The following IQSEC2 variants were observed in gnomAD, a reference collection of about 807,000 sequenced individuals.
IQSEC2 encodes IQ motif and SEC7 domain-containing protein 2.
In IQSEC2, 6 loss-of-function variants were observed where a neutral mutation model predicts 74.6. The ratio of observed to expected loss-of-function variants is 0.08; its 90% CI spans 0.04 to 0.16. The LOEUF (loss-of-function observed/expected upper bound fraction) is 0.16, where lower values mean the gene tolerates loss of function less well. IQSEC2 is among the 10% of genes least tolerant of loss of function. The pLI, the probability that IQSEC2 is intolerant of heterozygous loss-of-function variation, is 1.00. For missense variants in IQSEC2, 734 were observed against 1,306.2 expected, an observed-to-expected ratio of 0.56 and a Z score of 6.75; for synonymous variants, 494 against 544.5, an observed-to-expected ratio of 0.91 and a Z score of 1.29.
chrX:53,246,699 C>T (rs1556862127), intron 8 of IQSEC2, among the ~76,000 whole-genome samples: 1 of 112,108 alleles, frequency 8.9e-6, no homozygotes, highest in Non-Finnish European at 1.9e-5. Context: ...CAGAGTAAAG[C>T]CTTGTAAGAG....
intron 1 of IQSEC2, among the ~76,000 whole-genome samples, chrX:53,306,553 G>T (rs1229817990): frequency 9.0e-6 from 1 of 111,411 alleles, no homozygotes; most frequent in Non-Finnish European, 1.9e-5. Flanking sequence ...GCTATGTGGG[G>T]GGCCTACTAA....
intron 1 of IQSEC2, among the ~76,000 whole-genome samples, chrX:53,319,065 C>A (rs2075404337): frequency 8.9e-6 from 1 of 112,904 alleles, no homozygotes; most frequent in Non-Finnish European, 1.9e-5. Flanking sequence ...CAAGCTACAG[C>A]TGCTGCTCCT....
chrX:53,262,482 G>A (rs1014556181), intron 2 of IQSEC2, among the ~76,000 whole-genome samples: 5 of 112,072 alleles, frequency 4.5e-5, no homozygotes, highest in African/African-American at 1.3e-4. Flanking sequence ...TGGGGGGAAC[G>A]GGACGGACTG....
rs2074096260 is a variant in IQSEC2, at chrX:53,234,566, C to T, written c.4120G>A (p.Ala1374Thr). 1 of 1,107,549 alleles carries T rather than the reference C, an allele frequency of 9.0e-7. No homozygotes were observed. The highest frequency in any genetic ancestry group is 3.2e-5 in the Admixed American group (1 of 31,356). The allele number at this position is 1,107,549 out of a possible 1,213,427, so 91.3% of individuals were successfully genotyped here. Residue 1374 changes from alanine (A) to threonine (T), a missense_variant, in exon 15 of 15, where the codon GCC (alanine) becomes ACC (threonine). This residue lies in a region of IQSEC2 where 249 missense variants were observed against 467.9 expected (regional missense o/e 0.53). Transcript: ENST00000642864. ...TTGTGGGCTGGAGGGTGCTGGGGGGCAGGACTGTACAGGGGCAGTGGGGAT... is the reference window on the plus strand; with the variant it reads ...TTGTGGGCTGGAGGGTGCTGGGGGGTAGGACTGTACAGGGGCAGTGGGGAT... ...PTSPLPLYSPAPQHPPAHKQG... is the reference protein window; with the variant it reads ...PTSPLPLYSPTPQHPPAHKQG...
chrX:53,263,676 A>G (rs2074605777), intron 2 of IQSEC2, among the ~76,000 whole-genome samples: 1 of 111,580 alleles, frequency 9.0e-6, no homozygotes, highest in Admixed American at 9.5e-5. Context: ...TTCATCTTGC[A>G]GTACCCTGGG....
chrX:53,274,662 C>G (rs1273730790), intron 2 of IQSEC2, among the ~76,000 whole-genome samples: 1 of 108,796 alleles, frequency 9.2e-6, no homozygotes, highest in Non-Finnish European at 1.9e-5. Context: ...GGAGTTTCAC[C>G]ATGTTAGCCA....
chrX:53,297,602 C>G (rs1460270952), intron 1 of IQSEC2, among the ~76,000 whole-genome samples: 4 of 111,447 alleles, frequency 3.6e-5, no homozygotes, highest in Non-Finnish European at 7.5e-5. Context: ...GCTGGGATTA[C>G]AGGCATGAGC....
Position 53,255,189 on chromosome X carries a change from CA to C in IQSEC2, c.1000-259del, listed in dbSNP as rs61173462. 0.094 allele frequency among the ~76,000 whole-genome samples: 9,447 copies of C among 100,173 alleles called. 420 individuals are homozygous for C. The highest frequency in any genetic ancestry group is 0.18 in the African/African-American group (4,836 of 27,432). 87.0% of individuals were successfully genotyped at this position (100,173 alleles called of 115,157 possible). A position where few individuals can be genotyped will look rare whatever the true frequency, so the allele number is the denominator to read the frequency against. The stretch of plus-strand genomic sequence containing the variant: ...GAAAACAGGAAACAAACAGAGAAGC[CA>C]AAAAAAAAGAAAGCAAGGTAGAAAT... On this transcript the variant is annotated intron_variant, in intron 3 of 14. Coordinates refer to ENST00000642864, the MANE Select transcript of IQSEC2 (RefSeq NM_001111125.3).
chrX:53,270,440 T>C (rs2074724958), intron 2 of IQSEC2, among the ~76,000 whole-genome samples: 1 of 110,626 alleles, frequency 9.0e-6, no homozygotes, highest in South Asian at 3.9e-4. Context: ...TGCGGTTCCT[T>C]CTATCTGGAA....
chrX:53,301,115 C>T (rs782776346), intron 1 of IQSEC2, among the ~76,000 whole-genome samples: 6 of 112,085 alleles, frequency 5.4e-5, no homozygotes, highest in Admixed American at 9.5e-5. Flanking sequence ...ATTTTTTAAA[C>T]GCTACTAAGA....
chrX:53,253,055 T>G (rs1333739742), intron 4 of IQSEC2, among the ~76,000 whole-genome samples: 6 of 112,164 alleles, frequency 5.3e-5, no homozygotes, highest in Admixed American at 9.5e-5. Flanking sequence ...CCTTCAATAC[T>G]CCTGTCCTTC....
At chrX:53,312,714 A>G (rs782565397) in intron 1 of IQSEC2, among the ~76,000 whole-genome samples, 1 of 112,698 alleles carries the variant, frequency 8.9e-6, no homozygotes, top group Non-Finnish European at 1.9e-5. Context: ...TATCAGATAT[A>G]CAGTTGTGAG....
rs2074443904 is a variant in IQSEC2, at chrX:53,254,895, G to A, written c.1036C>T (p.Leu346=). Residue 346 remains leucine (L), a synonymous_variant, in exon 4 of 15, where the codon CTG becomes TTG. Transcript: ENST00000642864. ...MLERKYGGSF[L]SRRAARTIQT... ...ATGGTCCTGGCAGCCCTGCGGCTCA[G>A]GAAGGAGCCCCCATACTTCCTCTCC... The A allele has an allele frequency of 7.4e-6, 9 of 1,208,066 alleles. No individual in the cohort carries two copies. Among genetic ancestry groups the A allele is most frequent in the Non-Finnish European group, 7.8e-6 (7 of 894,477 alleles).
At position 53,280,884 on chromosome X, in the gene IQSEC2, C is replaced by A. The variant is rs782485372; in HGVS notation, c.737+11011G>T. ...CCCTTCCAGGTCAGCCAGCCCCTGTCCCCCACAAGCCCACAGAGGCAGACT... is the reference window on the plus strand; with the variant it reads ...CCCTTCCAGGTCAGCCAGCCCCTGTACCCCACAAGCCCACAGAGGCAGACT... On this transcript the variant is annotated intron_variant, in intron 2 of 14. Coordinates refer to ENST00000642864, the MANE Select transcript of IQSEC2 (RefSeq NM_001111125.3). Among the ~76,000 whole-genome samples, 9 of 112,084 alleles carry A rather than the reference C, an allele frequency of 8.0e-5. No individual in the cohort carries two copies. The East Asian group carries it at 2.0e-3, about 25-fold the overall frequency.
rs782420335 is a variant in IQSEC2, at chrX:53,250,951, C to A, written c.1625G>T (p.Arg542Leu). The A allele has an allele frequency of 1.2e-5, 15 of 1,209,788 alleles. No individual in the cohort carries two copies. The South Asian group carries it at 1.8e-4, about 14-fold the overall frequency. The change falls in exon 5 of 15, where the codon CGG (arginine) becomes CTG (leucine). Residue 542 changes from arginine (R) to leucine (L), a missense_variant. Physicochemically the swap from Arg to Leu is moderately radical, Grantham distance 102 (BLOSUM62 -2). Around this residue, in one of 12 missense-constraint regions of IQSEC2, gnomAD observed 204 missense variants for 305.4 expected, o/e 0.67. Transcript: ENST00000642864. ...LPSTEPPPQG[R>L]PEFWAPAPLP... is the part of the protein sequence containing the mutation. ...AGGGGCTGGCGCCCAGAACTCGGGCCGGCCCTGGGGTGGGGGTTCTGTGCT... is the reference window on the plus strand; with the variant it reads ...AGGGGCTGGCGCCCAGAACTCGGGCAGGCCCTGGGGTGGGGGTTCTGTGCT...
At chrX:53,267,167 C>T (rs2074673806) in intron 2 of IQSEC2, 8 of 1,053,173 alleles carry the variant, frequency 7.6e-6, no homozygotes, top group South Asian at 5.2e-5. Flanking sequence ...GGGCCAGGAC[C>T]GGAACCAGAA....
intron 2 of IQSEC2, among the ~76,000 whole-genome samples, chrX:53,259,181 C>T (rs1347295104): frequency 5.3e-5 from 3 of 56,304 alleles, no homozygotes; most frequent in Non-Finnish European, 9.2e-5. Flanking sequence ...TAGAGTGAGA[C>T]TGTCTCCAAA....
chrX:53,245,184 T>C (rs2074284030), intron 8 of IQSEC2, among the ~76,000 whole-genome samples: 1 of 110,669 alleles, frequency 9.0e-6, no homozygotes, highest in South Asian at 3.8e-4. Flanking sequence ...CTCACACCTG[T>C]AATCCCAGCA....
chrX:53,317,245 G>A (rs1343824903), intron 1 of IQSEC2, among the ~76,000 whole-genome samples: 1 of 111,742 alleles, frequency 8.9e-6, no homozygotes, highest in Non-Finnish European at 1.9e-5. Context: ...AAACCTTCGC[G>A]TACAGAGGAC....
Sources: allele counts gnomAD v4.1 joint callset (sites outside exome capture counted in the v4.1 genomes callset), GRCh38; gene constraint gnomAD v4.1.1; regional missense constraint gnomAD v4.1.1; transcripts MANE v1.5; gene names NCBI Gene and HGNC (gene_info 2026-07-23, HGNC 2026-07-21).